The following TTLL8 variants were observed in gnomAD, a reference collection of about 807,000 sequenced individuals.
TTLL8 encodes tubulin tyrosine ligase like 8, also known as protein monoglycylase TTLL8.
TTLL8 carries 65 observed loss-of-function variants against 77.8 expected under a neutral mutation model. The ratio of observed to expected loss-of-function variants is 0.84; its 90% CI spans 0.68 to 1.03. The LOEUF (loss-of-function observed/expected upper bound fraction) is 1.03. Ranked by LOEUF, TTLL8 falls within the 50% of genes least tolerant of loss-of-function variation. The pLI, the probability that TTLL8 is intolerant of heterozygous loss-of-function variation, is 0.00. For missense variants in TTLL8, 910 were observed against 1,004.5 expected, an observed-to-expected ratio of 0.91 and a Z score of 1.27; for synonymous variants, 402 against 422.8, an observed-to-expected ratio of 0.95 and a Z score of 0.60.
intron 12 of TTLL8, among the ~76,000 whole-genome samples, chr22:50,019,644 G>A (rs372407298): frequency 1.5e-4 from 23 of 152,330 alleles, no homozygotes; most frequent in Middle Eastern, 6.8e-3. Flanking sequence ...CCCAGCTCCA[G>A]GCAAACCTTC....
chr22:50,047,002 G>T, intron 4 of TTLL8, 166 bp downstream of exon 6: 1 of 819,892 alleles, frequency 1.2e-6, no homozygotes, highest in Non-Finnish European at 1.5e-6. Flanking sequence ...TGGGGGTGGG[G>T]TGGGCACCGA....
upstream of TTLL8, among the ~76,000 whole-genome samples, chr22:50,055,908 G>A (rs951029553): frequency 6.6e-6 from 1 of 152,074 alleles, no homozygotes; most frequent in Non-Finnish European, 1.5e-5. Flanking sequence ...ATTCCCAGAT[G>A]GTGAAGGCAT....
At chr22:50,021,560 CTGA>C (rs2061200247) in intron 12 of TTLL8, among the ~76,000 whole-genome samples, 2 of 148,170 alleles carry the variant, frequency 1.3e-5, no homozygotes, top group African/African-American at 2.5e-5. Flanking sequence ...ACTCCTCCAT[CTGA>C]TGATGTGTAC....
In TTLL8 at chr22:50,050,105, C is replaced by T; in HGVS notation, c.190+4G>A. On this transcript the variant is annotated splice_donor_region_variant and intron_variant, in intron 2 of 13. Coordinates refer to ENST00000266182, the Ensembl canonical transcript of TTLL8. Reference sequence around the variant, plus strand: ...AGCTGAGACGTGCGCCTCCGATACGCTACCATTGACCCGGGCGCCTTCATC... The same window carrying T: ...AGCTGAGACGTGCGCCTCCGATACGTTACCATTGACCCGGGCGCCTTCATC... The T allele has an allele frequency of 7.3e-7, 1 of 1,366,696 alleles. No homozygotes were observed. The highest frequency in any genetic ancestry group is 9.8e-7 in the Non-Finnish European group (1 of 1,021,664). 84.7% of individuals were successfully genotyped at this position (1,366,696 alleles called of 1,614,324 possible). A position where few individuals can be genotyped will look rare whatever the true frequency, so the allele number is the denominator to read the frequency against.
chr22:50,052,825 C>G (rs990758967), intron 1 of TTLL8, among the ~76,000 whole-genome samples: 4 of 152,186 alleles, frequency 2.6e-5, no homozygotes, highest in African/African-American at 9.7e-5. Flanking sequence ...GTATTTTAAC[C>G]TGCTTCTCTC....
intron 10 of TTLL8, among the ~76,000 whole-genome samples, chr22:50,032,842 G>T (rs769948594): frequency 4.6e-5 from 7 of 152,158 alleles, no homozygotes; most frequent in Admixed American, 1.3e-4. Flanking sequence ...GCACACTTGC[G>T]GATATCTGAG....
At chr22:50,027,651 G>T in intron 12 of TTLL8, 1 of 985,378 alleles carries the variant, frequency 1.0e-6, no homozygotes, top group Non-Finnish European at 1.2e-6. Context: ...GGGCCAGCAC[G>T]CACTTCCTGT....
At chr22:50,019,127 T>C (rs1346251350) in intron 12 of TTLL8, among the ~76,000 whole-genome samples, 2 of 152,212 alleles carry the variant, frequency 1.3e-5, no homozygotes, top group African/African-American at 4.8e-5. Context: ...TAAGTGTGAC[T>C]TCCTTCACTT....
upstream of TTLL8, chr22:50,056,718 C>T (rs1305830628): frequency 5.1e-6 from 5 of 982,260 alleles, no homozygotes; most frequent in African/African-American, 3.5e-5. The surrounding 1 kb of genome is among the most constrained non-coding windows in gnomAD (Gnocchi z 4.1). Context: ...CCGCCTGGAC[C>T]GTCCAAGAGA....
intron 2 of TTLL8, 149 bp from the exon 5 acceptor site, chr22:50,049,471 T>A: frequency 1.2e-6 from 1 of 813,808 alleles, no homozygotes; most frequent in Non-Finnish European, 1.8e-6. Context: ...AGCAGGAGCC[T>A]CTGTGGGTCC....
At position 50,044,686 on chromosome 22, in the gene TTLL8, G is replaced by A. The variant is rs2146682027; in HGVS notation, c.643+569C>T. Among the ~76,000 whole-genome samples, 1 of 152,354 alleles carries A rather than the reference G, an allele frequency of 6.6e-6. No individual in the cohort carries two copies. The highest frequency in any genetic ancestry group is 2.1e-4 in the South Asian group (1 of 4,826). On this transcript the variant is annotated intron_variant, in intron 6 of 13. Coordinates refer to ENST00000266182, the Ensembl canonical transcript of TTLL8. The surrounding 1 kb of genome is among the most constrained non-coding windows in gnomAD (Gnocchi z 4.2). The stretch of plus-strand genomic sequence containing the variant: ...TGCTCTGGTGGGGGATGTTGGCGGT[G>A]CAGGAGGCGCGGGGGCAGGAGAGTG...
chr22:50,057,259 G>A (rs1391526242), upstream of TTLL8, among the ~76,000 whole-genome samples: 17 of 144,606 alleles, frequency 1.2e-4, no homozygotes, highest in African/African-American at 4.3e-4. Context: ...TCAGTTCTAG[G>A]TTGGGGTCAG....
intron 12 of TTLL8, among the ~76,000 whole-genome samples, chr22:50,022,430 T>C (rs572959920): frequency 2.2e-4 from 32 of 144,268 alleles, no homozygotes; most frequent in Admixed American, 1.5e-3. Flanking sequence ...CATCTGACAA[T>C]GTGTACTCCT....
At chr22:50,057,449 C>A (rs1207387827), upstream of TTLL8, among the ~76,000 whole-genome samples, 1 of 45,928 alleles carries the variant, frequency 2.2e-5, no homozygotes. Context: ...GGTTGGGGGT[C>A]AGGTCTGGGT....
intron 12 of TTLL8, among the ~76,000 whole-genome samples, chr22:50,026,133 C>T (rs192615209): frequency 2.6e-5 from 4 of 152,326 alleles, no homozygotes; most frequent in East Asian, 1.9e-4. Flanking sequence ...GGCAGCTGTC[C>T]GTCAGCAGGG....
upstream of TTLL8, among the ~76,000 whole-genome samples, chr22:50,057,948 G>T (rs1294544850): frequency 6.6e-6 from 1 of 151,824 alleles, no homozygotes; most frequent in Non-Finnish European, 1.5e-5. Flanking sequence ...TAGTGGGGGA[G>T]TTCTGTGGTT....
At chr22:50,038,083 A>G (rs1186503255) in intron 8 of TTLL8, among the ~76,000 whole-genome samples, 1 of 152,126 alleles carries the variant, frequency 6.6e-6, no homozygotes. Context: ...AGGGTCTTGA[A>G]TGTATTTTGT....
At chr22:50,025,898 G>A (rs886133155) in intron 12 of TTLL8, among the ~76,000 whole-genome samples, 1 of 152,182 alleles carries the variant, frequency 6.6e-6, no homozygotes, top group Admixed American at 6.5e-5. Context: ...TGTTGACCAG[G>A]ATGTGGGGCA....
intron 8 of TTLL8, among the ~76,000 whole-genome samples, chr22:50,040,811 G>C (rs1036847028): frequency 1.3e-5 from 2 of 152,204 alleles, no homozygotes; most frequent in African/African-American, 4.8e-5. Flanking sequence ...TTGCCCATCA[G>C]CCGGCACCTG....
Sources: allele counts gnomAD v4.1 joint callset (sites outside exome capture counted in the v4.1 genomes callset), GRCh38; gene constraint gnomAD v4.1.1; non-coding constraint Gnocchi (gnomAD v3.1); transcripts MANE v1.5; gene names NCBI Gene and HGNC (gene_info 2026-07-23, HGNC 2026-07-21).